The following ENOX1 variants were observed in gnomAD, a reference collection of about 807,000 sequenced individuals.
ENOX1 encodes the protein candidate growth-related and time keeping constitutive hydroquinone (NADH) oxidase.
A neutral mutation model predicts 82.5 loss-of-function variants in ENOX1; 42 were observed. The observed-to-expected ratio is 0.51, with a 90% CI of 0.40 to 0.66. The LOEUF (loss-of-function observed/expected upper bound fraction) is 0.66, where lower values mean the gene tolerates loss of function less well. Among genes scored for constraint, ENOX1 ranks in the 30% least tolerant of loss-of-function variants. The probability of loss-of-function intolerance (pLI) is 0.00; values close to 1 mark genes in which losing one functional copy is unlikely to be tolerated. For synonymous variants in ENOX1, 271 were observed against 282.2 expected (o/e 0.96, Z 0.40); for missense variants, 608 against 811.6 (o/e 0.75, Z 3.05).
intron 2 of ENOX1, among the ~76,000 whole-genome samples, chr13:43,630,915 GTA>G (rs533687618): frequency 2.9e-5 from 4 of 137,998 alleles, no homozygotes; most frequent in Middle Eastern, 3.5e-3. Flanking sequence ...ATACGTGTGC[GTA>G]TATGTGTGTG....
intron 5 of ENOX1, among the ~76,000 whole-genome samples, chr13:43,397,965 A>G (rs1415845525): frequency 6.6e-6 from 1 of 152,320 alleles, no homozygotes; most frequent in East Asian, 1.9e-4. Context: ...TCTGGTTCAA[A>G]GACAGCCTCT....
intron 5 of ENOX1, among the ~76,000 whole-genome samples, chr13:43,406,784 C>T (rs1006530264): frequency 2.8e-4 from 43 of 152,160 alleles, no homozygotes; most frequent in African/African-American, 8.7e-4. Flanking sequence ...TGAGCCACCG[C>T]GCCCGGCCAA....
chr13:43,767,959 G>A (rs7988769), intron 1 of ENOX1, among the ~76,000 whole-genome samples: 6 of 152,198 alleles, frequency 3.9e-5, no homozygotes, highest in Non-Finnish European at 5.9e-5. Flanking sequence ...AGAGAGTCGG[G>A]GGGGAGCGGA....
At chr13:43,474,912 C>A (rs557158119) in intron 3 of ENOX1, among the ~76,000 whole-genome samples, 20 of 151,828 alleles carry the variant, frequency 1.3e-4, no homozygotes, top group African/African-American at 4.3e-4. Flanking sequence ...TCTGGTATTC[C>A]TGAGAGAATG....
chr13:43,461,661 G>T (rs2057492728), intron 3 of ENOX1, among the ~76,000 whole-genome samples: 1 of 152,154 alleles, frequency 6.6e-6, no homozygotes, highest in South Asian at 2.1e-4. Context: ...TTTTTAAGGG[G>T]CTTTGAGGAC....
At chr13:43,769,498 G>A (rs1374887206) in intron 1 of ENOX1, among the ~76,000 whole-genome samples, 5 of 152,116 alleles carry the variant, frequency 3.3e-5, no homozygotes, top group Non-Finnish European at 7.3e-5. Context: ...TGCATAGATG[G>A]CCATTAGCTC....
rs561894385 is a variant in ENOX1 at position 43,652,865 on chromosome 13, G to C, written c.-219+14614C>G. Among the ~76,000 whole-genome samples the C allele has an allele frequency of 4.6e-5, 7 of 152,338 alleles. No homozygotes were observed. The South Asian group carries it at 1.5e-3, about 32-fold the overall frequency. The stretch of plus-strand genomic sequence containing the variant: ...AAAGACAAAACCAGGAGGTGGCCTG[G>C]AGATTTCCAAGGGAGAGAAAATTCA... On this transcript the variant is annotated intron_variant, in intron 2 of 16. Coordinates refer to ENST00000690772, the MANE Select transcript of ENOX1 (RefSeq NM_001347969.2).
chr13:43,607,571 A>G (rs1318159298), intron 2 of ENOX1, among the ~76,000 whole-genome samples: 1 of 152,190 alleles, frequency 6.6e-6, no homozygotes, highest in Admixed American at 6.5e-5. Context: ...AAATCCCCAA[A>G]TATATGAGAT....
At chr13:43,276,933 G>A (rs1427005267) in intron 12 of ENOX1, among the ~76,000 whole-genome samples, 1 of 152,120 alleles carries the variant, frequency 6.6e-6, no homozygotes, top group Non-Finnish European at 1.5e-5. Context: ...CTTCCACCTG[G>A]GGATGAAACT....
chr13:43,665,239 TC>T (rs1361016622), intron 2 of ENOX1, among the ~76,000 whole-genome samples: 2 of 152,150 alleles, frequency 1.3e-5, no homozygotes, highest in Non-Finnish European at 2.9e-5. Flanking sequence ...AAAAAGGTAA[TC>T]CTTTCCTGGA....
At chr13:43,455,128 G>A (rs978863973) in intron 3 of ENOX1, among the ~76,000 whole-genome samples, 3 of 152,138 alleles carry the variant, frequency 2.0e-5, no homozygotes, top group African/African-American at 7.2e-5. Flanking sequence ...TACATGGGAG[G>A]TGAATTTGTT....
At chr13:43,218,125 G>A (rs1480751982) in intron 16 of ENOX1, among the ~76,000 whole-genome samples, 2 of 152,200 alleles carry the variant, frequency 1.3e-5, no homozygotes, top group East Asian at 1.9e-4. Flanking sequence ...TGAAATCCTC[G>A]TAATTACTTA....
chr13:43,284,103 T>C (rs530535298), intron 12 of ENOX1, among the ~76,000 whole-genome samples: 1 of 152,288 alleles, frequency 6.6e-6, no homozygotes, highest in Non-Finnish European at 1.5e-5. Flanking sequence ...TTTGTAAATG[T>C]TCCCAGTATA....
chr13:43,362,388 G>C (rs909146308), intron 5 of ENOX1, among the ~76,000 whole-genome samples: 1 of 152,156 alleles, frequency 6.6e-6, no homozygotes, highest in Non-Finnish European at 1.5e-5. Flanking sequence ...TGGCAGAAAA[G>C]TCTCATGGGT....
intron 9 of ENOX1, among the ~76,000 whole-genome samples, chr13:43,329,855 G>C (rs2048325976): frequency 1.3e-5 from 2 of 152,108 alleles, no homozygotes; most frequent in Admixed American, 6.5e-5. Flanking sequence ...CACTGTCCCT[G>C]AACCAGCCAT....
chr13:43,274,091 TCTAAACATATGGATACA>T (rs2153485142), intron 12 of ENOX1, among the ~76,000 whole-genome samples: 1 of 152,354 alleles, frequency 6.6e-6, no homozygotes, highest in South Asian at 2.1e-4. Context: ...AATGTATTGT[TCTAAACATATGGATACA>T]TAAAACTTTT....
intron 14 of ENOX1, among the ~76,000 whole-genome samples, chr13:43,244,635 C>T (rs977154065): frequency 6.6e-6 from 1 of 152,162 alleles, no homozygotes; most frequent in African/African-American, 2.4e-5. Context: ...AGTGACATCA[C>T]CCACACCCTA....
intron 1 of ENOX1, among the ~76,000 whole-genome samples, chr13:43,708,532 A>T (rs2087471363): frequency 1.3e-5 from 2 of 152,198 alleles, no homozygotes; most frequent in South Asian, 4.1e-4. Flanking sequence ...ATGGCCCCTC[A>T]GTCAAATTCT....
At chr13:43,354,291 C>T (rs1050550413) in intron 8 of ENOX1, among the ~76,000 whole-genome samples, 1 of 152,150 alleles carries the variant, frequency 6.6e-6, no homozygotes, top group African/African-American at 2.4e-5. Flanking sequence ...CAGCCATGGC[C>T]TATGTATTTA....
Sources: gnomAD v4.1 joint callset for allele counts (sites outside exome capture counted in the v4.1 genomes callset) on GRCh38, gnomAD v4.1.1 for gene constraint, MANE v1.5 for transcripts, NCBI Gene and HGNC (gene_info 2026-07-23, HGNC 2026-07-21) for gene names.